INTS8: variants seen among roughly 807,000 people sequenced by gnomAD.
The protein encoded by INTS8 is protein kaonashi-1.
INTS8 carries 47 observed loss-of-function variants against 138.9 expected under a neutral mutation model. The ratio of observed to expected loss-of-function variants is 0.34; its 90% CI spans 0.27 to 0.43. INTS8 has a LOEUF of 0.43. Ranked by LOEUF, INTS8 falls within the 20% of genes least tolerant of loss-of-function variation. INTS8 has a pLI of 1.00. For synonymous variants in INTS8, 392 were observed against 400.9 expected (o/e 0.98, Z 0.27); for missense variants, 996 against 1,173.0 (o/e 0.85, Z 2.20).
At chr8:94,850,545 G>C (rs1026717046) in intron 12 of INTS8, among the ~76,000 whole-genome samples, 37 of 151,678 alleles carry the variant, frequency 2.4e-4, no homozygotes, top group African/African-American at 8.5e-4. Flanking sequence ...CCAGGAGGCG[G>C]AGCTTGCAGT....
At chr8:94,855,687 A>G (rs746379389) in intron 14 of INTS8, among the ~76,000 whole-genome samples, 1 of 152,242 alleles carries the variant, frequency 6.6e-6, no homozygotes, top group Non-Finnish European at 1.5e-5. Context: ...AGTAAGTGTC[A>G]CAAGTGTTAC....
intron 16 of INTS8, among the ~76,000 whole-genome samples, chr8:94,862,372 A>C (rs1358660894): frequency 6.6e-6 from 1 of 152,214 alleles, no homozygotes; most frequent in Non-Finnish European, 1.5e-5. Context: ...GTTGTGTTCC[A>C]AGGTTACTGT....
chr8:94,836,412 T>G (rs1586476776), intron 6 of INTS8, 112 bp from the exon 7 acceptor site: 3 of 788,608 alleles, frequency 3.8e-6, no homozygotes, highest in Non-Finnish European at 6.1e-6. Context: ...GGAATATGTG[T>G]TTTTTTATGT....
intron 13 of INTS8, 119 bp downstream of exon 13, chr8:94,851,805 C>A (rs907717073): frequency 1.3e-5 from 9 of 703,658 alleles, no homozygotes; most frequent in African/African-American, 1.9e-5. Flanking sequence ...AGTTTTAAGA[C>A]CTTCATATGA....
chr8:94,825,785 G>A (rs559895106), intron 2 of INTS8, among the ~76,000 whole-genome samples: 11 of 152,006 alleles, frequency 7.2e-5, no homozygotes, highest in African/African-American at 2.4e-4. Context: ...TCCCTTATAG[G>A]AAGTTGGGAA....
chr8:94,859,085 G>A (rs1346219978), intron 15 of INTS8, among the ~76,000 whole-genome samples: 3 of 151,942 alleles, frequency 2.0e-5, no homozygotes, highest in African/African-American at 7.2e-5. Flanking sequence ...GGACAACATA[G>A]TGAGACCCCA....
chr8:94,839,946 C>G (rs1179218782), intron 8 of INTS8, among the ~76,000 whole-genome samples: 1 of 152,142 alleles, frequency 6.6e-6, no homozygotes, highest in Non-Finnish European at 1.5e-5. Context: ...GTGGTAAGAC[C>G]TGTGCCAACA....
chr8:94,825,133 A>G, intron 2 of INTS8, 66 bp downstream of exon 2: 1 of 1,119,920 alleles, frequency 8.9e-7, no homozygotes, highest in Non-Finnish European at 1.3e-6. Flanking sequence ...ATTTCTATAT[A>G]TGCTTTTATG....
intron 15 of INTS8, among the ~76,000 whole-genome samples, chr8:94,857,706 T>C (rs1815804085): frequency 6.6e-6 from 1 of 152,138 alleles, no homozygotes; most frequent in Non-Finnish European, 1.5e-5. Flanking sequence ...CACATGGCCT[T>C]CCCCCTGTGT....
intron 16 of INTS8, among the ~76,000 whole-genome samples, chr8:94,863,791 G>C (rs1306640548): frequency 6.6e-6 from 1 of 152,226 alleles, no homozygotes; most frequent in Non-Finnish European, 1.5e-5. Flanking sequence ...AGCTACAGTA[G>C]CCCTGGCATT....
In INTS8 at chr8:94,873,433, G is replaced by A; in HGVS notation, c.2593G>A (p.Asp865Asn). 6.2e-7 allele frequency: 1 copy of A among 1,613,986 alleles called. No individual in the cohort carries two copies. The highest frequency in any genetic ancestry group is 8.5e-7 in the Non-Finnish European group (1 of 1,179,868). The change falls in exon 22 of 27, where the codon GAC (aspartate) becomes AAC (asparagine). Residue 865 changes from aspartate (D) to asparagine (N), a missense_variant. Coordinates refer to ENST00000523731, the MANE Select transcript of INTS8 (RefSeq NM_017864.4). ...CCTCCAGGCAGGAGCTGTGTGTTCT[G>A]ACTTCTTTAACAAGGCTGTGCCCCC... ...YYLQAGAVCS[D>N]FFNKAVPPDV...
At chr8:94,835,773 T>C (rs1371360685) in intron 6 of INTS8, among the ~76,000 whole-genome samples, 1 of 152,186 alleles carries the variant, frequency 6.6e-6, no homozygotes, top group Non-Finnish European at 1.5e-5. Context: ...CTAATTTTTG[T>C]ATTTTTAGTA....
At chr8:94,848,274 A>G (rs1048282334) in intron 10 of INTS8, among the ~76,000 whole-genome samples, 3 of 152,100 alleles carry the variant, frequency 2.0e-5, no homozygotes, top group South Asian at 2.1e-4. Context: ...CAGCCTCCCA[A>G]AGTGCTGGGA....
chr8:94,866,299 AT>A (rs759993536), intron 18 of INTS8, 108 bp downstream of exon 18: 303 of 677,666 alleles, frequency 4.5e-4, no homozygotes, highest in Admixed American at 7.0e-4. Flanking sequence ...TTGTTTTTTA[AT>A]TTTTTTTTAA....
rs117206298 is a variant in INTS8, at chr8:94,873,742, C to T, written c.2637+265C>T. Reference sequence around the variant, plus strand: ...CATAAAGTAATAAACTCCTAATACACTCCTAATAAATTCACCTGTCCTTTC... The same window carrying T: ...CATAAAGTAATAAACTCCTAATACATTCCTAATAAATTCACCTGTCCTTTC... On this transcript the variant is annotated intron_variant, in intron 22 of 26. Coordinates refer to ENST00000523731, the MANE Select transcript of INTS8 (RefSeq NM_017864.4). 269 of 282,236 alleles carry T rather than the reference C, an allele frequency of 9.5e-4. 4 individuals are homozygous for T. The East Asian group carries it at 0.018, about 18-fold the overall frequency. 17.5% of individuals were successfully genotyped at this position (282,236 alleles called of 1,614,324 possible).
At position 94,880,703 on chromosome 8, in the gene INTS8, G is replaced by A. The variant is rs1194395323; in HGVS notation, c.*469G>A. 8 of 394,722 alleles carry A rather than the reference G, an allele frequency of 2.0e-5. No homozygotes were observed. The highest frequency in any genetic ancestry group is 3.6e-5 in the Non-Finnish European group (8 of 224,338). The allele number at this position is 394,722 out of a possible 1,614,324, so 24.5% of individuals were successfully genotyped here. The stretch of plus-strand genomic sequence containing the variant: ...GACACTGTCCTTATCTCACAATGGA[G>A]GAATTTAGAAAGGACCTTAACAGTT... On this transcript the variant is annotated 3_prime_UTR_variant, in exon 27 of 27. Transcript: ENST00000523731.
intron 16 of INTS8, among the ~76,000 whole-genome samples, chr8:94,861,277 T>TTTTTTTTTTTTTTA: frequency 8.4e-6 from 1 of 118,874 alleles, no homozygotes; most frequent in African/African-American, 3.3e-5. Flanking sequence ...TTTTTTTTTT[T>TTTTTTTTTTTTTTA]TTGAGACGGA....
chr8:94,837,420 G>A (rs548166624), intron 7 of INTS8, among the ~76,000 whole-genome samples: 13 of 152,146 alleles, frequency 8.5e-5, no homozygotes, highest in African/African-American at 3.1e-4. Context: ...TTGATTAAAT[G>A]CCCTAGAGGT....
In INTS8 at chr8:94,838,553, A is replaced by G; in HGVS notation, c.952A>G (p.Ser318Gly). Residue 318 changes from serine to glycine, a missense_variant, in exon 8 of 27, where the codon AGT becomes GGT. By Grantham distance (56) the Ser-to-Gly change is moderately conservative (BLOSUM62 0). Coordinates refer to ENST00000523731, the MANE Select transcript of INTS8 (RefSeq NM_017864.4). ...TGATGTTCTTGTACCTTCTTCTGATAGTACATCTCAACAGTTGACTCCATA... is the reference window on the plus strand; with the variant it reads ...TGATGTTCTTGTACCTTCTTCTGATGGTACATCTCAACAGTTGACTCCATA... Reference protein sequence around the residue: ...ACDVLVPSSDSTSQQLTPYSQ... With the variant: ...ACDVLVPSSDGTSQQLTPYSQ... 1 of 1,611,344 alleles carries G rather than the reference A, an allele frequency of 6.2e-7. No individual in the cohort carries two copies. Among genetic ancestry groups the G allele is most frequent in the Non-Finnish European group, 8.5e-7 (1 of 1,177,390 alleles).
Sources: gnomAD v4.1 joint callset for allele counts (sites outside exome capture counted in the v4.1 genomes callset) on GRCh38, gnomAD v4.1.1 for gene constraint, MANE v1.5 for transcripts, NCBI Gene and HGNC (gene_info 2026-07-23, HGNC 2026-07-21) for gene names.